The following MEGF6 variants were observed in gnomAD, a reference collection of about 807,000 sequenced individuals.
MEGF6 encodes multiple EGF like domains 6, also known as multiple epidermal growth factor-like domains protein 6.
In MEGF6, 184 loss-of-function variants were observed where a neutral mutation model predicts 207.1. The observed-to-expected ratio is 0.89, with a 90% CI of 0.79 to 1.00. MEGF6 has a LOEUF of 1.00. Among genes scored for constraint, MEGF6 ranks in the 50% least tolerant of loss-of-function variants. The probability of loss-of-function intolerance (pLI) is 0.00; values close to 1 mark genes in which losing one functional copy is unlikely to be tolerated. For missense variants in MEGF6, 2,282 were observed against 2,202.9 expected (o/e 1.04, Z -0.72); for synonymous variants, 1,038 against 910.0 (o/e 1.14, Z -2.53).
Position 3,509,177 on chromosome 1 carries a change from C to G in MEGF6, c.1426G>C (p.Val476Leu), listed in dbSNP as rs754675721. The change falls in exon 12 of 37, where the codon GTG (valine) becomes CTG (leucine). Residue 476 changes from valine (V) to leucine (L), a missense_variant. By Grantham distance (32) the Val-to-Leu change is conservative (BLOSUM62 1). Coordinates refer to ENST00000356575, the MANE Select transcript of MEGF6 (RefSeq NM_001409.4). Reference sequence around the variant, plus strand: ...AGTTGCGGCAGCTCGTCCTGGAGCACGGCAATGTGGGGCAGGGGCCGCACG... The same window carrying G: ...AGTTGCGGCAGCTCGTCCTGGAGCAGGGCAATGTGGGGCAGGGGCCGCACG... ...PFVRPLPHIA[V>L]LQDELPQLFQ... is the part of the protein sequence containing the mutation. 1.3e-6 allele frequency: 2 copies of G among 1,580,118 alleles called. No homozygotes were observed. The highest frequency in any genetic ancestry group is 2.3e-5 in the South Asian group (2 of 86,798).
Position 3,587,828 on chromosome 1 carries a change from C to T in MEGF6, c.376+7510G>A, listed in dbSNP as rs143056408. On this transcript the variant is annotated intron_variant, in intron 3 of 36. Coordinates refer to ENST00000356575, the MANE Select transcript of MEGF6 (RefSeq NM_001409.4). Reference sequence around the variant, plus strand: ...TTGTCCTCCCTGGACAGCTCAGCATCCCCCAGGTAGCAAGGGGACAGGAGG... The same window carrying T: ...TTGTCCTCCCTGGACAGCTCAGCATTCCCCAGGTAGCAAGGGGACAGGAGG... 1.0e-3 allele frequency among the ~76,000 whole-genome samples: 134 copies of T among 128,524 alleles called. 3 individuals carry two copies. The Middle Eastern group carries it at 0.016, about 15-fold the overall frequency. The allele number at this position is 128,524 out of a possible 152,430, so 84.3% of individuals were successfully genotyped here. A position where few individuals can be genotyped will look rare whatever the true frequency, so the allele number is the denominator to read the frequency against.
chr1:3,492,562 G>A, intron 35 of MEGF6, 77 bp downstream of exon 35: 1 of 1,577,544 alleles, frequency 6.3e-7, no homozygotes, highest in Non-Finnish European at 8.7e-7. Context: ...GGTGAGAGAG[G>A]GATCCTCTGC....
chr1:3,488,894 C>T lies in MEGF6; in HGVS notation c.*1634G>A, dbSNP rs1371620688. 1.3e-5 allele frequency among the ~76,000 whole-genome samples: 2 copies of T among 152,226 alleles called. No individual in the cohort carries two copies. Among genetic ancestry groups the T allele is most frequent in the Non-Finnish European group, 2.9e-5 (2 of 68,038 alleles). On this transcript the variant is annotated 3_prime_UTR_variant, in exon 37 of 37. Transcript: ENST00000356575. Reference sequence around the variant, plus strand: ...GAGAACGTCTTGGTCGTCGTTGCTTCATGTCAATGACTTCTTACTTTTGTA... The same window carrying T: ...GAGAACGTCTTGGTCGTCGTTGCTTTATGTCAATGACTTCTTACTTTTGTA...
chr1:3,617,784 G>A, the MEGF6 span, among the ~76,000 whole-genome samples: 1 of 152,242 alleles, frequency 6.6e-6, no homozygotes, highest in East Asian at 1.9e-4. Flanking sequence ...GAAAGCAGAG[G>A]GAGATTTGAG....
At chr1:3,596,368 C>T (rs1557806516) in intron 2 of MEGF6, among the ~76,000 whole-genome samples, 1 of 151,974 alleles carries the variant, frequency 6.6e-6, no homozygotes, top group South Asian at 2.1e-4. Context: ...ACGTCCCCCT[C>T]CCCAAGTCCA....
chr1:3,554,792 C>G (rs1211964550), intron 4 of MEGF6, among the ~76,000 whole-genome samples: 1 of 152,236 alleles, frequency 6.6e-6, no homozygotes, highest in African/African-American at 2.4e-5. Context: ...ACCTTCCCAT[C>G]TCAAATTCCT....
At chr1:3,553,649 T>C (rs1642952979) in intron 4 of MEGF6, among the ~76,000 whole-genome samples, 1 of 152,136 alleles carries the variant, frequency 6.6e-6, no homozygotes, top group Admixed American at 6.5e-5. Context: ...AGTACTGGTG[T>C]CACCCAGGCA....
chr1:3,540,893 G>A lies in MEGF6; in HGVS notation c.482-16647C>T, dbSNP rs190658669. 2.3e-3 allele frequency among the ~76,000 whole-genome samples: 350 copies of A among 152,328 alleles called. 1 individual carries two copies. Among genetic ancestry groups the A allele is most frequent in the Non-Finnish European group, 3.7e-3 (249 of 68,024 alleles). ...TTGCAGGGACACCGACATTCAGGTC[G>A]CGGCACCAGATGTTTGTGGAATACC... On this transcript the variant is annotated intron_variant, in intron 4 of 36. Coordinates refer to ENST00000356575, the MANE Select transcript of MEGF6 (RefSeq NM_001409.4).
chr1:3,578,283 C>T (rs887220740), intron 4 of MEGF6, among the ~76,000 whole-genome samples: 8 of 152,358 alleles, frequency 5.3e-5, no homozygotes, highest in East Asian at 1.9e-4. Context: ...CAAAGTCAAG[C>T]GGCGCACATT....
rs567226823 is a variant in MEGF6 at position 3,543,251 on chromosome 1, G to A, written c.482-19005C>T. ...GGGGCCGAGTCATCACTGCAAGCAG[G>A]TTCCGGGCCCACCCCATCAACTTGG... On this transcript the variant is annotated intron_variant, in intron 4 of 36. Coordinates refer to ENST00000356575, the MANE Select transcript of MEGF6 (RefSeq NM_001409.4). Among the ~76,000 whole-genome samples, 6 of 152,290 alleles carry A rather than the reference G, an allele frequency of 3.9e-5. No homozygotes were observed. The East Asian group carries it at 1.2e-3, about 29-fold the overall frequency.
At chr1:3,580,458 G>T (rs574052514) in intron 3 of MEGF6, among the ~76,000 whole-genome samples, 32 of 152,348 alleles carry the variant, frequency 2.1e-4, no homozygotes, top group African/African-American at 7.5e-4. Flanking sequence ...GGGGAGCCAA[G>T]TGTTGACAGC....
chr1:3,565,796 G>C lies in MEGF6; in HGVS notation c.481+14029C>G, dbSNP rs1643327834. ...GTCACCAAGAACAGAAGTGCGTGTG[G>C]ACATCCAGGTGCCTTCCAACTCTGC... On this transcript the variant is annotated intron_variant, in intron 4 of 36. Transcript: ENST00000356575. This position sits in a 1 kb window ranked among gnomAD's most constrained non-coding sequence, Gnocchi z 4.8. Among the ~76,000 whole-genome samples, 1 of 152,144 alleles carries C rather than the reference G, an allele frequency of 6.6e-6. No individual in the cohort carries two copies. The highest frequency in any genetic ancestry group is 2.4e-5 in the African/African-American group (1 of 41,420).
In MEGF6 at chr1:3,505,253, C is replaced by T. The variant is rs1417465261; in HGVS notation, c.2143G>A (p.Gly715Arg). The T allele has an allele frequency of 6.2e-7, 1 of 1,612,522 alleles. No individual in the cohort carries two copies. Among genetic ancestry groups the T allele is most frequent in the Non-Finnish European group, 8.5e-7 (1 of 1,179,868 alleles). Residue 715 changes from glycine to arginine, a missense_variant, in exon 17 of 37, where the codon GGG becomes AGG. Physicochemically the swap from Gly to Arg is moderately radical, Grantham distance 125 (BLOSUM62 -2). Coordinates refer to ENST00000356575, the MANE Select transcript of MEGF6 (RefSeq NM_001409.4). ...TGGAAGCCAGCAGGACACCGCTTCCCACACTCGCCGCTCACGGAGTCACAG... is the reference window on the plus strand; with the variant it reads ...TGGAAGCCAGCAGGACACCGCTTCCTACACTCGCCGCTCACGGAGTCACAG... ...VACDSVSGEC[G>R]KRCPAGFQGE...
rs770729189 is a variant in MEGF6 at position 3,496,974 on chromosome 1, C to T, written c.3613+14G>A. On this transcript the variant is annotated intron_variant, in intron 28 of 36. Transcript: ENST00000356575. ...GCACTGCCGAGTCCCTGGGTGGGCA[C>T]GGGCAGCACTCACGTTGCTGGCAGC... is the stretch of plus-strand genomic sequence containing the variant. The T allele has an allele frequency of 5.2e-6, 8 of 1,547,440 alleles. No homozygotes were observed. The highest frequency in any genetic ancestry group is 1.4e-5 in the African/African-American group (1 of 72,992).
chr1:3,534,383 T>C (rs146319425), intron 4 of MEGF6, among the ~76,000 whole-genome samples: 213 of 152,360 alleles, frequency 1.4e-3, no homozygotes, highest in African/African-American at 5.0e-3. Context: ...CCTGAGAAAC[T>C]GTGAGACAGC....
chr1:3,530,413 C>T (rs1296823743), intron 4 of MEGF6, among the ~76,000 whole-genome samples: 1 of 152,196 alleles, frequency 6.6e-6, no homozygotes, highest in African/African-American at 2.4e-5. Flanking sequence ...GCAAACCCCA[C>T]ACTCCCTCCT....
intron 4 of MEGF6, among the ~76,000 whole-genome samples, chr1:3,561,979 G>A (rs1643215063): frequency 6.6e-6 from 1 of 152,234 alleles, no homozygotes; most frequent in African/African-American, 2.4e-5. Flanking sequence ...TCCCCTCCGT[G>A]GCCGAGTTCC....
intron 4 of MEGF6, among the ~76,000 whole-genome samples, chr1:3,533,337 C>A (rs1330097372): frequency 6.6e-6 from 1 of 152,240 alleles, no homozygotes; most frequent in Non-Finnish European, 1.5e-5. Flanking sequence ...CCTGGGGAGC[C>A]CCTCCCATCA....
chr1:3,531,073 C>A (rs1383365897), intron 4 of MEGF6: 6 of 1,517,680 alleles, frequency 4.0e-6, no homozygotes, highest in South Asian at 1.2e-5. Flanking sequence ...GCTCGCCCGG[C>A]GCCCACCTGG....
Sources: gnomAD v4.1 joint callset for allele counts (sites outside exome capture counted in the v4.1 genomes callset) on GRCh38, gnomAD v4.1.1 for gene constraint, Gnocchi (gnomAD v3.1) non-coding constraint, MANE v1.5 for transcripts, NCBI Gene and HGNC (gene_info 2026-07-23, HGNC 2026-07-21) for gene names.